Variants in GABRA3 observed in about 807,000 individuals in gnomAD.
The protein encoded by GABRA3 is gamma-aminobutyric acid receptor subunit alpha-3.
In GABRA3, 10 loss-of-function variants were observed where a neutral mutation model predicts 30.1. The ratio of observed to expected loss-of-function variants is 0.33; its 90% CI spans 0.20 to 0.56. The LOEUF (loss-of-function observed/expected upper bound fraction) is 0.56. Among genes scored for constraint, GABRA3 ranks in the 20% least tolerant of loss-of-function variants. The pLI, the probability that GABRA3 is intolerant of heterozygous loss-of-function variation, is 0.89. For synonymous variants in GABRA3, 151 were observed against 146.8 expected (o/e 1.03, Z -0.21); for missense variants, 233 against 392.0 (o/e 0.59, Z 3.42).
At chrX:152,240,091 G>T (rs1338105991) in intron 5 of GABRA3, among the ~76,000 whole-genome samples, 1 of 97,903 alleles carries the variant, frequency 1.0e-5, no homozygotes, top group Non-Finnish European at 2.0e-5. Flanking sequence ...TCCTAGTCTC[G>T]ATGGTCTTTA....
At chrX:152,339,842 A>T in intron 3 of GABRA3, among the ~76,000 whole-genome samples, 1 of 110,163 alleles carries the variant, frequency 9.1e-6, no homozygotes, top group East Asian at 2.9e-4. Context: ...TAAAATAACT[A>T]CTCCAACCTT....
chrX:152,315,700 G>A (rs1346854352), intron 3 of GABRA3, among the ~76,000 whole-genome samples: 2 of 110,857 alleles, frequency 1.8e-5, no homozygotes, highest in Non-Finnish European at 3.8e-5. Context: ...TTGCAAGGGA[G>A]CTGGGTGAGG....
At chrX:152,424,933 T>C (rs1050043382) in intron 1 of GABRA3, among the ~76,000 whole-genome samples, 6 of 89,845 alleles carry the variant, frequency 6.7e-5, no homozygotes, top group Admixed American at 1.2e-4. Flanking sequence ...CTTTTCTTTT[T>C]TTTTTTTTTT....
chrX:152,359,286 G>C (rs1928411885), intron 2 of GABRA3, among the ~76,000 whole-genome samples: 1 of 110,964 alleles, frequency 9.0e-6, no homozygotes, highest in Non-Finnish European at 1.9e-5. Context: ...TCAGTCTTAG[G>C]AAGTCGCAAG....
At chrX:152,321,018 G>T (rs1356626504) in intron 3 of GABRA3, among the ~76,000 whole-genome samples, 1 of 111,897 alleles carries the variant, frequency 8.9e-6, no homozygotes, top group Non-Finnish European at 1.9e-5. Context: ...TTTACCCTTT[G>T]AATACCTGGT....
At chrX:152,441,869 A>T (rs945937233) in intron 1 of GABRA3, among the ~76,000 whole-genome samples, 1 of 111,882 alleles carries the variant, frequency 8.9e-6, no homozygotes, top group African/African-American at 3.2e-5. Flanking sequence ...AATTTCTTGA[A>T]CTCTTCAGCA....
At chrX:152,413,906 A>C (rs762858685) in intron 1 of GABRA3, among the ~76,000 whole-genome samples, 231 of 111,063 alleles carry the variant, frequency 2.1e-3, no homozygotes, top group Non-Finnish European at 3.9e-3. Context: ...TAAAAAAAAA[A>C]TCTCCTACCA....
intron 3 of GABRA3, among the ~76,000 whole-genome samples, chrX:152,299,819 A>T (rs1410985782): frequency 8.9e-6 from 1 of 112,075 alleles, no homozygotes; most frequent in Non-Finnish European, 1.9e-5. Context: ...CAACCCACAG[A>T]GAAATAAATT....
intron 7 of GABRA3, among the ~76,000 whole-genome samples, chrX:152,198,743 T>G (rs1002002289): frequency 1.8e-5 from 2 of 112,083 alleles, no homozygotes; most frequent in Non-Finnish European, 3.8e-5. Flanking sequence ...CACTTCTTTT[T>G]TCTGTCTCAC....
At chrX:152,383,027 A>C (rs1929187662) in intron 1 of GABRA3, among the ~76,000 whole-genome samples, 1 of 111,277 alleles carries the variant, frequency 9.0e-6, no homozygotes, top group Admixed American at 9.6e-5. Context: ...GTATCATATA[A>C]ATTTAATGAT....
intron 5 of GABRA3, among the ~76,000 whole-genome samples, chrX:152,231,342 C>T (rs141926875): frequency 0.024 from 2,630 of 108,208 alleles, 44 homozygotes; most frequent in Middle Eastern, 0.07. Flanking sequence ...TGTGTATACA[C>T]GTGTGTATAT....
At chrX:152,223,139 A>G (rs2124380086) in intron 6 of GABRA3, among the ~76,000 whole-genome samples, 1 of 111,691 alleles carries the variant, frequency 9.0e-6, no homozygotes, top group African/African-American at 3.2e-5. Flanking sequence ...AAATGCCCCC[A>G]GAGTTGAAAA....
At chrX:152,382,978 T>C (rs780461727) in intron 1 of GABRA3, among the ~76,000 whole-genome samples, 2 of 111,946 alleles carry the variant, frequency 1.8e-5, no homozygotes, top group African/African-American at 6.5e-5. Context: ...ATTTGTTCTT[T>C]TTGCTCAAGA....
At chrX:152,185,822 C>T (rs1482240502) in intron 9 of GABRA3, among the ~76,000 whole-genome samples, 2 of 112,107 alleles carry the variant, frequency 1.8e-5, no homozygotes, top group African/African-American at 6.5e-5. Context: ...ACAAAGTAGG[C>T]GTACATTAGA....
intron 1 of GABRA3, among the ~76,000 whole-genome samples, chrX:152,402,127 T>C (rs1323704928): frequency 8.9e-6 from 1 of 112,071 alleles, no homozygotes; most frequent in Non-Finnish European, 1.9e-5. Context: ...CTTTCATATG[T>C]CCAAATGAAG....
At chrX:152,326,808 T>C (rs887716646) in intron 3 of GABRA3, among the ~76,000 whole-genome samples, 2 of 110,913 alleles carry the variant, frequency 1.8e-5, no homozygotes, top group African/African-American at 6.6e-5. Context: ...ACGGGGAAAA[T>C]AAACAGCTAA....
intron 5 of GABRA3, among the ~76,000 whole-genome samples, chrX:152,244,641 A>C (rs1048889427): frequency 9.0e-6 from 1 of 111,566 alleles, no homozygotes. Context: ...GCATTAAGAC[A>C]GTGCCCATTT....
chrX:152,447,477 G>C (rs1283351660), intron 1 of GABRA3, among the ~76,000 whole-genome samples: 1 of 111,229 alleles, frequency 9.0e-6, no homozygotes, highest in Admixed American at 9.6e-5. Flanking sequence ...TTCCTTTATT[G>C]AATGTATGGC....
chrX:152,236,688 T>C (rs1461939504), intron 5 of GABRA3, among the ~76,000 whole-genome samples: 2 of 106,961 alleles, frequency 1.9e-5, no homozygotes, highest in Non-Finnish European at 1.9e-5. Flanking sequence ...ATTGCCATTC[T>C]AACTGGTGTG....
Sources: gnomAD v4.1 joint callset for allele counts (sites outside exome capture counted in the v4.1 genomes callset) on GRCh38, gnomAD v4.1.1 for gene constraint, MANE v1.5 for transcripts, NCBI Gene and HGNC (gene_info 2026-07-23, HGNC 2026-07-21) for gene names.